Variants in APBB2 observed in about 807,000 individuals in gnomAD.
APBB2 encodes Fe65-like 1.
In APBB2, 38 loss-of-function variants were observed where a neutral mutation model predicts 82.5. The ratio of observed to expected loss-of-function variants is 0.46; its 90% confidence interval spans 0.36 to 0.60. The LOEUF (loss-of-function observed/expected upper bound fraction) is 0.60. Ranked by LOEUF, APBB2 falls within the 20% of genes least tolerant of loss-of-function variation. The pLI is 0.00. For synonymous variants in APBB2, 341 were observed against 368.2 expected, an observed-to-expected ratio of 0.93 and a Z score of 0.85; for missense variants, 772 against 972.3, an observed-to-expected ratio of 0.79 and a Z score of 2.74.
Position 40,811,781 on chromosome 4 carries a change from A to C in APBB2, c.*4311T>G, listed in dbSNP as rs1744470387. On this transcript the variant is annotated 3_prime_UTR_variant, in exon 18 of 18. Coordinates refer to ENST00000508593, the MANE Select transcript of APBB2 (RefSeq NM_004307.2). ...ATAATGAAATTTTGTTACTGACTAG[A>C]GAGAAACCACTGTGGAAGTGCAAGA... The C allele has an allele frequency of 6.6e-6, 1 of 152,192 alleles. No individual in the cohort carries two copies. The highest frequency in any genetic ancestry group is 1.5e-5 in the Non-Finnish European group (1 of 68,034). The allele number at this position is 152,192 out of a possible 1,614,324, so 9.4% of individuals were successfully genotyped here.
intron 2 of APBB2, among the ~76,000 whole-genome samples, chr4:41,118,695 A>C (rs1163039393): frequency 6.6e-6 from 1 of 152,076 alleles, no homozygotes; most frequent in African/African-American, 2.4e-5. Context: ...TAAATCTGAT[A>C]GCCTTTAGTT....
intron 6 of APBB2, among the ~76,000 whole-genome samples, chr4:40,985,741 A>G (rs139430616): frequency 1.3e-5 from 2 of 152,282 alleles, no homozygotes; most frequent in Non-Finnish European, 2.9e-5. Flanking sequence ...CACCACACCA[A>G]CTCTCTAAGT....
At chr4:40,903,299 A>G (rs996508246) in intron 10 of APBB2, among the ~76,000 whole-genome samples, 1 of 73,022 alleles carries the variant, frequency 1.4e-5, no homozygotes, top group Non-Finnish European at 2.9e-5. Flanking sequence ...CAACTCTACT[A>G]AAAAAAAAAA....
chr4:40,973,992 C>T (rs543887337), intron 6 of APBB2, among the ~76,000 whole-genome samples: 1 of 152,082 alleles, frequency 6.6e-6, no homozygotes, highest in South Asian at 2.1e-4. Context: ...GCTGGGATTA[C>T]AGGCACGCGC....
At chr4:40,935,550 G>A (rs558160421) in intron 7 of APBB2, 24 of 157,382 alleles carry the variant, frequency 1.5e-4, no homozygotes, top group African/African-American at 2.2e-4. Flanking sequence ...GACGGGTACC[G>A]TGTTTGTTTG....
intron 11 of APBB2, 30 bp from the exon 12 acceptor site, chr4:40,890,521 T>C: frequency 6.2e-7 from 1 of 1,611,812 alleles, no homozygotes; most frequent in Admixed American, 1.7e-5. Flanking sequence ...CACGCTGTCT[T>C]CTTCATGCAG....
intron 1 of APBB2, among the ~76,000 whole-genome samples, chr4:41,174,743 ACG>A (rs1250953809): frequency 3.9e-5 from 6 of 152,240 alleles, no homozygotes; most frequent in African/African-American, 1.4e-4. Flanking sequence ...CTGAAGAACT[ACG>A]TGACCACATA....
chr4:40,816,111 G>A lies in APBB2; in HGVS notation c.2261C>T (p.Pro754Leu), dbSNP rs1460566186. ...SLIDTLKQKR[P>L]VTEMP ...GTGCAGCTATGGCATTTCGGTGACAGGGCGTTTCTGTTTCAAAGTGTCAAT... is the reference window on the plus strand; with the variant it reads ...GTGCAGCTATGGCATTTCGGTGACAAGGCGTTTCTGTTTCAAAGTGTCAAT... The change falls in exon 18 of 18, where the codon CCT (proline) becomes CTT (leucine). Residue 754 changes from proline (P) to leucine (L), a missense_variant. Coordinates refer to ENST00000508593, the MANE Select transcript of APBB2 (RefSeq NM_004307.2). The A allele has an allele frequency of 1.2e-6, 2 of 1,613,760 alleles. No homozygotes were observed. The highest frequency in any genetic ancestry group is 1.3e-5 in the African/African-American group (1 of 74,910).
intron 1 of APBB2, among the ~76,000 whole-genome samples, chr4:41,190,219 A>T (rs1580733391): frequency 6.6e-6 from 1 of 151,008 alleles, no homozygotes; most frequent in East Asian, 1.9e-4. Flanking sequence ...TTACTATATC[A>T]AAAGAATTTC....
intron 12 of APBB2, among the ~76,000 whole-genome samples, chr4:40,842,930 G>C (rs544208620): frequency 1.3e-5 from 2 of 152,154 alleles, no homozygotes; most frequent in Non-Finnish European, 2.9e-5. Context: ...GGAGATGACA[G>C]CTCAATGGGG....
Position 41,021,772 on chromosome 4 carries a change from C to T in APBB2, c.20-7374G>A, listed in dbSNP as rs183249297. On this transcript the variant is annotated intron_variant, in intron 5 of 17. Transcript: ENST00000508593. The stretch of plus-strand genomic sequence containing the variant: ...GGAAGCTTTGTTCTTTCACTCTTCA[C>T]AATAAATCTTCCTGCTGCTCATTCT... Among the ~76,000 whole-genome samples, 533 of 152,286 alleles carry T rather than the reference C, an allele frequency of 3.5e-3. 3 individuals are homozygous for T. Among genetic ancestry groups the T allele is most frequent in the Middle Eastern group, 0.024 (7 of 294 alleles).
At chr4:41,095,915 G>A (rs1336685266) in intron 3 of APBB2, among the ~76,000 whole-genome samples, 2 of 152,154 alleles carry the variant, frequency 1.3e-5, no homozygotes, top group Admixed American at 6.5e-5. Flanking sequence ...GCACATGTGT[G>A]ACCTTTCTCA....
intron 1 of APBB2, among the ~76,000 whole-genome samples, chr4:41,203,121 GGAA>G (rs1405715645): frequency 6.6e-6 from 1 of 151,158 alleles, no homozygotes; most frequent in East Asian, 1.9e-4. Context: ...AGAACTAAGA[GGAA>G]GAAAAGATAA....
intron 4 of APBB2, among the ~76,000 whole-genome samples, chr4:41,059,835 T>TGC (rs1729155687): frequency 9.8e-6 from 1 of 102,480 alleles, no homozygotes; most frequent in Non-Finnish European, 2.5e-5. Flanking sequence ...TCTATATTTC[T>TGC]GTGTGTGTGT....
intron 6 of APBB2, among the ~76,000 whole-genome samples, chr4:41,005,980 TCTG>T (rs1560506123): frequency 1.3e-5 from 2 of 152,324 alleles, no homozygotes; most frequent in South Asian, 2.1e-4. Flanking sequence ...CTTGAATACA[TCTG>T]CTGTCTTGTG....
chr4:41,120,602 T>C (rs2153991598), intron 2 of APBB2, among the ~76,000 whole-genome samples: 1 of 152,340 alleles, frequency 6.6e-6, no homozygotes, highest in Middle Eastern at 3.4e-3. Flanking sequence ...CCTGGGGCCC[T>C]GAGCCAGCCC....
Position 41,136,080 on chromosome 4 carries a change from T to C in APBB2, c.-261+6907A>G, listed in dbSNP as rs116775240. Among the ~76,000 whole-genome samples, 1,009 of 152,358 alleles carry C rather than the reference T, an allele frequency of 6.6e-3. 14 individuals carry two copies. The highest frequency in any genetic ancestry group is 0.023 in the African/African-American group (962 of 41,586). On this transcript the variant is annotated intron_variant, in intron 2 of 17. Coordinates refer to ENST00000508593, the MANE Select transcript of APBB2 (RefSeq NM_004307.2). Reference sequence around the variant, plus strand: ...ATAAATAGGCCAGAGTCTTCATGAATGTAATTGTACTACAACTCAAACTTC... The same window carrying C: ...ATAAATAGGCCAGAGTCTTCATGAACGTAATTGTACTACAACTCAAACTTC...
intron 1 of APBB2, among the ~76,000 whole-genome samples, chr4:41,146,874 G>A (rs555669105): frequency 6.6e-5 from 10 of 152,314 alleles, no homozygotes; most frequent in South Asian, 4.1e-4. Context: ...ATAAAGCCGC[G>A]GCCCGGGCTG....
chr4:41,066,093 AT>A (rs1188135777), intron 3 of APBB2, among the ~76,000 whole-genome samples: 1 of 108,618 alleles, frequency 9.2e-6, no homozygotes, highest in Non-Finnish European at 2.2e-5. Flanking sequence ...AAATGAGGAA[AT>A]TTTTTTTTCT....
Sources: gnomAD v4.1 joint callset for allele counts (sites outside exome capture counted in the v4.1 genomes callset) on GRCh38, gnomAD v4.1.1 for gene constraint, MANE v1.5 for transcripts, NCBI Gene and HGNC (gene_info 2026-07-23, HGNC 2026-07-21) for gene names.